LPAR1: variants seen among roughly 807,000 people sequenced by gnomAD.
The protein encoded by LPAR1 is lysophosphatidic acid receptor 1, also known as LPA receptor 1.
A neutral mutation model predicts 23.8 loss-of-function variants in LPAR1; 5 were observed. That is an observed-to-expected ratio of 0.21 (90% confidence interval 0.11 to 0.44). LPAR1 has a LOEUF of 0.44. Among genes scored for constraint, LPAR1 ranks in the 20% least tolerant of loss-of-function variants. The probability of loss-of-function intolerance (pLI) is 0.99; values close to 1 mark genes in which losing one functional copy is unlikely to be tolerated. For missense variants in LPAR1, 311 were observed against 482.8 expected (o/e 0.64, Z 3.33); for synonymous variants, 160 against 164.7 (o/e 0.97, Z 0.22).
intron 5 of LPAR1, among the ~76,000 whole-genome samples, chr9:110,884,615 A>G (rs1176431900): frequency 6.6e-6 from 1 of 152,194 alleles, no homozygotes; most frequent in Admixed American, 6.5e-5. Flanking sequence ...TATTTTTCTC[A>G]TCCTCTCCTA....
rs576657068 is a variant in LPAR1 at position 110,992,595 on chromosome 9, ATTCATAAATGAATGGACAAATTG to A, written c.-181-19060_-181-19038del. ...AAAACTGGAAACAGCTCAAATGTCCATTCATAAATGAATGGACAAATTGTTATGTATCCATAAAACAGAAGACT... is the reference window on the plus strand; with the variant it reads ...AAAACTGGAAACAGCTCAAATGTCCATTATGTATCCATAAAACAGAAGACT... On this transcript the variant is annotated intron_variant, in intron 2 of 5. Transcript: ENST00000683809. Among the ~76,000 whole-genome samples the A allele has an allele frequency of 2.2e-3, 334 of 152,324 alleles. 1 individual carries two copies. Among genetic ancestry groups the A allele is most frequent in the African/African-American group, 7.7e-3 (321 of 41,574 alleles).
intron 5 of LPAR1, among the ~76,000 whole-genome samples, chr9:110,899,446 T>C (rs539996001): frequency 3.5e-4 from 53 of 152,100 alleles, no homozygotes; most frequent in Non-Finnish European, 7.2e-4. Context: ...AGAGATGAAA[T>C]AATACACAGA....
At chr9:110,888,479 C>T (rs1167990587) in intron 5 of LPAR1, among the ~76,000 whole-genome samples, 12 of 150,742 alleles carry the variant, frequency 8.0e-5, no homozygotes, top group African/African-American at 2.9e-4. Context: ...TTCATAGAAA[C>T]GATGTCTTCT....
At chr9:110,894,379 G>C (rs1252463888) in intron 5 of LPAR1, among the ~76,000 whole-genome samples, 2 of 152,182 alleles carry the variant, frequency 1.3e-5, no homozygotes, top group Non-Finnish European at 2.9e-5. Flanking sequence ...TGTCAAATGA[G>C]GATATGATCT....
chr9:110,976,172 T>C (rs2096548883), intron 2 of LPAR1, among the ~76,000 whole-genome samples: 1 of 151,926 alleles, frequency 6.6e-6, no homozygotes, highest in Non-Finnish European at 1.5e-5. Context: ...GACTGTCAAC[T>C]AGAGAGTTGC....
At position 110,941,844 on chromosome 9, in the gene LPAR1, G is replaced by A. The variant is rs753095484; in HGVS notation, c.370C>T (p.Arg124Cys). 3 of 1,614,204 alleles carry A rather than the reference G, an allele frequency of 1.9e-6. No individual in the cohort carries two copies. Among genetic ancestry groups the A allele is most frequent in the South Asian group, 2.2e-5 (2 of 91,084 alleles). Residue 124 changes from arginine (R) to cysteine (C), a missense_variant, in exon 5 of 6, where the codon CGT becomes TGT. Arg to Cys is a radical substitution (Grantham distance 180). Transcript: ENST00000683809. The surrounding 1 kb of genome is among the most constrained non-coding windows in gnomAD (Gnocchi z 6.1). ...AGGCTGGTGTCAATGAGGCCCTGAC[G>A]AAGGAGCCATGTGCTAACAGTCAGT... ...RRLTVSTWLL[R>C]QGLIDTSLTA...
intron 4 of LPAR1, among the ~76,000 whole-genome samples, chr9:110,967,173 T>A (rs2096254214): frequency 6.6e-6 from 1 of 152,224 alleles, no homozygotes; most frequent in Admixed American, 6.5e-5. Flanking sequence ...TTCTTGCTGC[T>A]GCTAGTCCAG....
intron 5 of LPAR1, among the ~76,000 whole-genome samples, chr9:110,920,286 T>C (rs556998219): frequency 6.2e-4 from 95 of 152,322 alleles, no homozygotes; most frequent in Admixed American, 2.5e-3. Flanking sequence ...TTCTGAAGCA[T>C]TTTTCTGTCA....
intron 2 of LPAR1, among the ~76,000 whole-genome samples, chr9:111,017,619 T>C (rs2097480904): frequency 6.6e-6 from 1 of 152,274 alleles, no homozygotes; most frequent in African/African-American, 2.4e-5. Context: ...AATTCTTTGC[T>C]ATTCATTTTT....
At chr9:110,964,549 T>C (rs2096127139) in intron 4 of LPAR1, among the ~76,000 whole-genome samples, 1 of 152,204 alleles carries the variant, frequency 6.6e-6, no homozygotes, top group Non-Finnish European at 1.5e-5. Context: ...GAAGCAACTG[T>C]GTCAAAATGT....
chr9:110,943,745 A>AG (rs370662274), intron 4 of LPAR1, among the ~76,000 whole-genome samples: 11 of 152,042 alleles, frequency 7.2e-5, no homozygotes, highest in African/African-American at 2.4e-4. Context: ...CTGTAATCCC[A>AG]GCTACTCAGG....
intron 5 of LPAR1, among the ~76,000 whole-genome samples, chr9:110,907,996 A>T (rs1478898565): frequency 2.0e-5 from 3 of 151,984 alleles, no homozygotes; most frequent in Non-Finnish European, 4.4e-5. Context: ...ACAGATTCAT[A>T]AGAAAATTAC....
intron 5 of LPAR1, among the ~76,000 whole-genome samples, chr9:110,921,829 G>A (rs928395539): frequency 6.6e-6 from 1 of 152,256 alleles, no homozygotes; most frequent in African/African-American, 2.4e-5. Flanking sequence ...CCAGCCACAT[G>A]AAAGGCATGC....
chr9:110,979,805 C>A (rs923320492), intron 2 of LPAR1, among the ~76,000 whole-genome samples: 1 of 151,878 alleles, frequency 6.6e-6, no homozygotes, highest in Admixed American at 6.6e-5. Context: ...ATACAGGAAA[C>A]AGGAGTCCAA....
chr9:111,012,871 G>T (rs917574486), intron 2 of LPAR1, among the ~76,000 whole-genome samples: 1 of 152,050 alleles, frequency 6.6e-6, no homozygotes, highest in African/African-American at 2.4e-5. Flanking sequence ...AATAGTAAGC[G>T]GGAATTCCTG....
chr9:110,954,416 C>G (rs574716329), intron 4 of LPAR1, among the ~76,000 whole-genome samples: 2 of 152,234 alleles, frequency 1.3e-5, no homozygotes, highest in African/African-American at 2.4e-5. Context: ...AAAATAACAG[C>G]TGAAAATTTC....
In LPAR1 at chr9:111,027,568, C is replaced by T. The variant is rs528636466; in HGVS notation, c.-182+8554G>A. On this transcript the variant is annotated intron_variant, in intron 2 of 5. Coordinates refer to ENST00000683809, the MANE Select transcript of LPAR1 (RefSeq NM_001351411.2). ...AATAAAAATACAATTTTTTTTAAGT[C>T]CTGTCCTCATCTAAGAAGTCAGAAG... 2.6e-5 allele frequency among the ~76,000 whole-genome samples: 4 copies of T among 151,746 alleles called. No homozygotes were observed. In the South Asian group the frequency reaches 8.3e-4, roughly 32 times the overall value.
At chr9:111,034,287 C>G (rs1197608325) in intron 2 of LPAR1, among the ~76,000 whole-genome samples, 3 of 152,122 alleles carry the variant, frequency 2.0e-5, no homozygotes, top group African/African-American at 7.2e-5. Context: ...CTGCAAATAC[C>G]CAATCACTGT....
At chr9:111,012,514 G>A (rs947781176) in intron 2 of LPAR1, among the ~76,000 whole-genome samples, 1 of 151,688 alleles carries the variant, frequency 6.6e-6, no homozygotes, top group Admixed American at 6.6e-5. Context: ...CAGTATCCTG[G>A]TAGTCCACAA....
Sources: gnomAD v4.1 joint callset for allele counts (sites outside exome capture counted in the v4.1 genomes callset) on GRCh38, gnomAD v4.1.1 for gene constraint, Gnocchi (gnomAD v3.1) non-coding constraint, MANE v1.5 for transcripts, NCBI Gene and HGNC (gene_info 2026-07-23, HGNC 2026-07-21) for gene names.